EFNB1: variants seen among roughly 807,000 people sequenced by gnomAD.
EFNB1 encodes ephrin B1, also known as ephrin-B1.
Under a neutral mutation model 18.1 loss-of-function variants are expected in EFNB1, and 1 was observed. That is an observed-to-expected ratio of 0.06 (90% CI 0.02 to 0.26). The LOEUF (loss-of-function observed/expected upper bound fraction) is 0.26, where lower values mean the gene tolerates loss of function less well. EFNB1 is among the 10% of genes least tolerant of loss of function. The pLI is 1.00. For synonymous variants in EFNB1, 131 were observed against 127.5 expected (o/e 1.03, Z -0.19); for missense variants, 221 against 301.8 (o/e 0.73, Z 1.98).
At chrX:68,831,767 C>G (rs1239612235) in intron 1 of EFNB1, among the ~76,000 whole-genome samples, 1 of 110,629 alleles carries the variant, frequency 9.0e-6, no homozygotes, top group Non-Finnish European at 1.9e-5. Context: ...CTGTGCTTCC[C>G]CCTTTTTGTG....
intron 1 of EFNB1, among the ~76,000 whole-genome samples, 191 bp downstream of exon 1, chrX:68,830,095 G>T (rs2080440693): frequency 9.0e-6 from 1 of 111,331 alleles, no homozygotes; most frequent in African/African-American, 3.3e-5. Flanking sequence ...AGGGGCACTT[G>T]GCTGGGTTGT....
intron 1 of EFNB1, among the ~76,000 whole-genome samples, chrX:68,833,518 G>A (rs1286363207): frequency 8.9e-6 from 1 of 112,061 alleles, no homozygotes; most frequent in Non-Finnish European, 1.9e-5. Flanking sequence ...GTGCATCACT[G>A]TTTTCTGGGG....
intron 1 of EFNB1, 144 bp from the exon 2 acceptor site, chrX:68,838,473 C>G (rs2080468039): frequency 2.9e-6 from 2 of 681,936 alleles, no homozygotes; most frequent in Non-Finnish European, 4.5e-6. Flanking sequence ...CACCCCCAGC[C>G]TGAGGATGGA....
At chrX:68,832,981 C>CGTCCT (rs1288312688) in intron 1 of EFNB1, among the ~76,000 whole-genome samples, 4 of 110,656 alleles carry the variant, frequency 3.6e-5, no homozygotes, top group Non-Finnish European at 7.6e-5. Flanking sequence ...CTCTCAGTCC[C>CGTCCT]GTCCTGACCC....
At position 68,840,666 on chromosome X, in the gene EFNB1, G is replaced by C. The variant is rs745795283; in HGVS notation, c.*12G>C. On this transcript the variant is annotated 3_prime_UTR_variant, in exon 5 of 5. Transcript: ENST00000204961. ...ACTACAAGGTCTGAGTGCCCGGCAC[G>C]GCCTCAGGCCCCCGAGGGACAGTCG... The C allele has an allele frequency of 1.7e-6, 2 of 1,200,270 alleles. No homozygotes were observed. The highest frequency in any genetic ancestry group is 2.2e-6 in the Non-Finnish European group (2 of 890,637).
At chrX:68,833,569 G>T (rs1266229064) in intron 1 of EFNB1, among the ~76,000 whole-genome samples, 2 of 112,030 alleles carry the variant, frequency 1.8e-5, no homozygotes, top group African/African-American at 6.5e-5. Flanking sequence ...CCAGGAGGCT[G>T]CTAGTTGCCA....
In EFNB1 at chrX:68,840,038, C is replaced by T. The variant is rs1486924849; in HGVS notation, c.578C>T (p.Thr193Ile). 1 of 1,210,651 alleles carries T rather than the reference C, an allele frequency of 8.3e-7. No individual in the cohort carries two copies. The highest frequency in any genetic ancestry group is 1.1e-6 in the Non-Finnish European group (1 of 895,320). The change falls in exon 4 of 5, where the codon ACA becomes ATA. Residue 193 changes from threonine to isoleucine, a missense_variant. Transcript: ENST00000204961. ...GCAGACAACACTGTCAAGATGGCCACACAGGCCCCTGGTAGTCGGGGCTCC... is the reference window on the plus strand; with the variant it reads ...GCAGACAACACTGTCAAGATGGCCATACAGGCCCCTGGTAGTCGGGGCTCC... Reference protein sequence around the residue: ...KEADNTVKMATQAPGSRGSLG... With the variant: ...KEADNTVKMAIQAPGSRGSLG...
At chrX:68,835,801 C>T (rs866768692) in intron 1 of EFNB1, among the ~76,000 whole-genome samples, 6 of 111,735 alleles carry the variant, frequency 5.4e-5, no homozygotes, top group Admixed American at 9.4e-5. Context: ...TCTCTTCTCC[C>T]CCCTCCTCCA....
chrX:68,831,253 C>T (rs2080444597), intron 1 of EFNB1, among the ~76,000 whole-genome samples: 1 of 110,441 alleles, frequency 9.1e-6, no homozygotes. Flanking sequence ...GTCCCAGGGA[C>T]GTTTGATCTC....
chrX:68,830,557 T>C (rs926439425), intron 1 of EFNB1, among the ~76,000 whole-genome samples: 1 of 111,860 alleles, frequency 8.9e-6, no homozygotes, highest in South Asian at 3.7e-4. Flanking sequence ...AGGCAGCGGG[T>C]GGAGAGGGGC....
chrX:68,829,082 C>G lies in EFNB1; in HGVS notation c.-695C>G, dbSNP rs189750013. Reference sequence around the variant, plus strand: ...CGCACTGGCCGCAGACCCTCGGGCTCGATCGCCCGGGAGCCAGGACTCGGC... The same window carrying G: ...CGCACTGGCCGCAGACCCTCGGGCTGGATCGCCCGGGAGCCAGGACTCGGC... On this transcript the variant is annotated 5_prime_UTR_variant, in exon 1 of 5. Transcript: ENST00000204961. The G allele has an allele frequency of 8.7e-6, 1 of 114,987 alleles. No homozygotes were observed. The highest frequency in any genetic ancestry group is 1.8e-5 in the Non-Finnish European group (1 of 54,960). 9.5% of individuals were successfully genotyped at this position (114,987 alleles called of 1,213,427 possible).
chrX:68,838,563 T>TGGCC, intron 1 of EFNB1, 54 bp from the exon 2 acceptor site: 1 of 1,201,372 alleles, frequency 8.3e-7, no homozygotes, highest in Non-Finnish European at 1.1e-6. Flanking sequence ...GGTTCTGGAA[T>TGGCC]GGCCTGGGGC....
At chrX:68,830,489 C>A (rs1371731336) in intron 1 of EFNB1, among the ~76,000 whole-genome samples, 4 of 113,171 alleles carry the variant, frequency 3.5e-5, no homozygotes, top group Admixed American at 1.8e-4. Context: ...TTGCCCCCCG[C>A]CCCTCCTTTC....
rs1569398274 is a variant in EFNB1 at position 68,840,232 on chromosome X, C to T, written c.629-10C>T. On this transcript the variant is annotated splice_polypyrimidine_tract_variant and intron_variant, in intron 4 of 4. Coordinates refer to ENST00000204961, the MANE Select transcript of EFNB1 (RefSeq NM_004429.5). ...CTGGCTGACTGTTCCTTCCCCTTTCCCTTCCTCAGAGACTGTGAACCAGGA... is the reference window on the plus strand; with the variant it reads ...CTGGCTGACTGTTCCTTCCCCTTTCTCTTCCTCAGAGACTGTGAACCAGGA... 8.3e-7 allele frequency: 1 copy of T among 1,210,413 alleles called. No individual in the cohort carries two copies. The highest frequency in any genetic ancestry group is 1.1e-6 in the Non-Finnish European group (1 of 895,295).
At chrX:68,839,554 G>A (rs761237125) in intron 2 of EFNB1, 110 bp from the exon 3 acceptor site, 4 of 708,706 alleles carry the variant, frequency 5.6e-6, no homozygotes, top group Admixed American at 2.6e-5. Context: ...TGCTTCTCCC[G>A]ACTGCAGTTT....
In EFNB1 at chrX:68,838,869, G is replaced by T; in HGVS notation, c.381G>T (p.Lys127Asn). 1 of 1,201,392 alleles carries T rather than the reference G, an allele frequency of 8.3e-7. No individual in the cohort carries two copies. Among genetic ancestry groups the T allele is most frequent in the Non-Finnish European group, 1.1e-6 (1 of 890,004 alleles). ...CCAACTACATGGGCCTGGAGTTCAA[G>T]AAGCACCATGATTACTACATTACCT... ...FSPNYMGLEF[K>N]KHHDYYITST... The change falls in exon 2 of 5, where the codon AAG becomes AAT. Residue 127 changes from lysine (K) to asparagine (N), a missense_variant. By Grantham distance (94) the Lys-to-Asn change is moderately conservative (BLOSUM62 0). Transcript: ENST00000204961.
At chrX:68,832,752 G>A (rs888113923) in intron 1 of EFNB1, among the ~76,000 whole-genome samples, 1 of 110,897 alleles carries the variant, frequency 9.0e-6, no homozygotes, top group Non-Finnish European at 1.9e-5. Context: ...CCCCATGAGC[G>A]CAAGGTGGGG....
chrX:68,838,451 G>A lies in EFNB1; in HGVS notation c.129-166G>A, dbSNP rs768909357. ...CCTTCCACACTCTCCTGGTAGTGTG[G>A]TTCTCTCTCCCCACCCCCAGCCTGA... On this transcript the variant is annotated intron_variant, in intron 1 of 4. Coordinates refer to ENST00000204961, the MANE Select transcript of EFNB1 (RefSeq NM_004429.5). 3.6e-5 allele frequency among the ~76,000 whole-genome samples: 4 copies of A among 111,485 alleles called. No homozygotes were observed. The East Asian group carries it at 1.2e-3, about 32-fold the overall frequency.
rs1310460748 is a variant in EFNB1, at chrX:68,829,159, G to A, written c.-618G>A. The A allele has an allele frequency of 1.8e-5, 2 of 113,907 alleles. No individual in the cohort carries two copies. The highest frequency in any genetic ancestry group is 6.4e-5 in the African/African-American group (2 of 31,063). The allele number at this position is 113,907 out of a possible 1,213,427, so 9.4% of individuals were successfully genotyped here. A position where few individuals can be genotyped will look rare whatever the true frequency, so the allele number is the denominator to read the frequency against. Reference sequence around the variant, plus strand: ...CGAGGCTTCGGGGGCGCAAACTAATGGGACTGGCTCGCTCGGCAGCATCTC... The same window carrying A: ...CGAGGCTTCGGGGGCGCAAACTAATAGGACTGGCTCGCTCGGCAGCATCTC... On this transcript the variant is annotated 5_prime_UTR_variant, in exon 1 of 5. The change abolishes an upstream ATG in the 5' untranslated region. Coordinates refer to ENST00000204961, the MANE Select transcript of EFNB1 (RefSeq NM_004429.5).
Sources: allele counts gnomAD v4.1 joint callset (sites outside exome capture counted in the v4.1 genomes callset), GRCh38; gene constraint gnomAD v4.1.1; transcripts MANE v1.5; gene names NCBI Gene and HGNC (gene_info 2026-07-23, HGNC 2026-07-21).